Variants in PCDH9 observed in about 807,000 individuals in gnomAD.
PCDH9 encodes the protein protocadherin 9.
PCDH9 carries 24 observed loss-of-function variants against 70.6 expected under a neutral mutation model. That is an observed-to-expected ratio of 0.34 (90% CI 0.25 to 0.48). The LOEUF (loss-of-function observed/expected upper bound fraction) is 0.48, where lower values mean the gene tolerates loss of function less well. Among genes scored for constraint, PCDH9 ranks in the 20% least tolerant of loss-of-function variants. PCDH9 has a pLI of 0.99. For synonymous variants in PCDH9, 562 were observed against 558.5 expected (o/e 1.01, Z -0.09); for missense variants, 1,281 against 1,503.6 (o/e 0.85, Z 2.45).
intron 2 of PCDH9, among the ~76,000 whole-genome samples, chr13:67,132,740 G>A (rs965892582): frequency 7.2e-5 from 11 of 151,998 alleles, no homozygotes; most frequent in African/African-American, 2.7e-4. Flanking sequence ...GGTTGACAAA[G>A]TATATGTCAA....
chr13:66,704,577 G>A (rs769290969), intron 3 of PCDH9, among the ~76,000 whole-genome samples: 1 of 152,124 alleles, frequency 6.6e-6, no homozygotes, highest in Non-Finnish European at 1.5e-5. Context: ...AAGAAGAGAG[G>A]AGAGGAAGAT....
At position 67,135,882 on chromosome 13, in the gene PCDH9, T is replaced by A. The variant is rs139205401; in HGVS notation, c.3036+89523A>T. On this transcript the variant is annotated intron_variant, in intron 2 of 4. Coordinates refer to ENST00000377865, the MANE Select transcript of PCDH9 (RefSeq NM_203487.3). ...ACCTGGTGGTGTTGACTGGGGGGAT[T>A]CTTTGCTACCTTCATTTACAATAAC... is the stretch of plus-strand genomic sequence containing the variant. Among the ~76,000 whole-genome samples the A allele has an allele frequency of 4.0e-3, 608 of 152,182 alleles. 6 individuals are homozygous for A. Among genetic ancestry groups the A allele is most frequent in the African/African-American group, 0.014 (585 of 41,536 alleles).
At chr13:67,204,529 A>G (rs1045233866) in intron 2 of PCDH9, 8 of 152,180 alleles carry the variant, frequency 5.3e-5, no homozygotes, top group African/African-American at 1.9e-4. Flanking sequence ...TTGTGGAGGT[A>G]GAAAACAAGT....
chr13:66,618,449 A>C (rs1175423037), intron 4 of PCDH9, among the ~76,000 whole-genome samples: 2 of 152,170 alleles, frequency 1.3e-5, no homozygotes, highest in Non-Finnish European at 1.5e-5. Flanking sequence ...GTTTCTTAAA[A>C]AATTTCAAAT....
At chr13:66,483,441 G>T (rs1382181246) in intron 4 of PCDH9, among the ~76,000 whole-genome samples, 1 of 152,160 alleles carries the variant, frequency 6.6e-6, no homozygotes, top group Non-Finnish European at 1.5e-5. Context: ...GAAATGCAGG[G>T]TGAAGGAAGT....
At chr13:67,126,798 A>G (rs1216817219) in intron 2 of PCDH9, among the ~76,000 whole-genome samples, 1 of 152,174 alleles carries the variant, frequency 6.6e-6, no homozygotes, top group East Asian at 1.9e-4. Context: ...TTCAGTGAGC[A>G]GAGACTGCGC....
In PCDH9 at chr13:67,226,998, G is replaced by T. The variant is rs370830471; in HGVS notation, c.1443C>A (p.Asn481Lys). The T allele has an allele frequency of 3.1e-6, 5 of 1,614,054 alleles. No homozygotes were observed. The highest frequency in any genetic ancestry group is 2.7e-5 in the African/African-American group (2 of 74,920). The change falls in exon 2 of 5, where the codon AAC becomes AAA. Residue 481 changes from asparagine (N) to lysine (K), a missense_variant. By Grantham distance (94) the Asn-to-Lys change is moderately conservative. Coordinates refer to ENST00000377865, the MANE Select transcript of PCDH9 (RefSeq NM_203487.3). This position sits in a 1 kb window ranked among gnomAD's most constrained non-coding sequence, Gnocchi z 5.0. Reference protein sequence around the residue: ...QPVIELSVSENNRRGLYLTTI... With the variant: ...QPVIELSVSEKNRRGLYLTTI... ...TTGTTAAGTATAACCCACGTCGGTT[G>T]TTTTCAGAAACTGACAGCTCAATTA...
chr13:66,535,458 A>C (rs1960657559), intron 4 of PCDH9, among the ~76,000 whole-genome samples: 1 of 152,050 alleles, frequency 6.6e-6, no homozygotes, highest in Non-Finnish European at 1.5e-5. Flanking sequence ...GGTTGGCTGC[A>C]TTTACCAGCT....
intron 2 of PCDH9, among the ~76,000 whole-genome samples, chr13:67,055,208 T>C (rs2085394995): frequency 6.6e-6 from 1 of 152,216 alleles, no homozygotes; most frequent in Non-Finnish European, 1.5e-5. Flanking sequence ...TGAGTTTTGA[T>C]ATTATTATAG....
At chr13:66,310,753 A>G (rs975595618) in intron 4 of PCDH9, among the ~76,000 whole-genome samples, 27 of 152,070 alleles carry the variant, frequency 1.8e-4, no homozygotes, top group African/African-American at 6.5e-4. Context: ...TTGTAAAATA[A>G]ATAAGTCATT....
intron 4 of PCDH9, among the ~76,000 whole-genome samples, chr13:66,593,316 A>C (rs2074507144): frequency 6.6e-6 from 1 of 151,676 alleles, no homozygotes; most frequent in African/African-American, 2.4e-5. Flanking sequence ...ACAAATTATC[A>C]TGATATGGCT....
intron 3 of PCDH9, among the ~76,000 whole-genome samples, chr13:66,708,977 T>C (rs2078755276): frequency 6.6e-6 from 1 of 152,186 alleles, no homozygotes; most frequent in Admixed American, 6.5e-5. Flanking sequence ...TTGGGAAACA[T>C]ACCATTTCCA....
At chr13:67,175,092 T>C (rs1367461453) in intron 2 of PCDH9, among the ~76,000 whole-genome samples, 2 of 151,872 alleles carry the variant, frequency 1.3e-5, no homozygotes. Flanking sequence ...ATCCTAATCA[T>C]GCCACCACAC....
chr13:66,324,268 C>A (rs1347853011), intron 4 of PCDH9, among the ~76,000 whole-genome samples: 3 of 151,946 alleles, frequency 2.0e-5, no homozygotes, highest in African/African-American at 7.3e-5. Flanking sequence ...CACTATCCTG[C>A]CATCTGCTCC....
chr13:66,430,281 T>C (rs1346123881), intron 4 of PCDH9, among the ~76,000 whole-genome samples: 3 of 152,080 alleles, frequency 2.0e-5, no homozygotes, highest in Non-Finnish European at 4.4e-5. Flanking sequence ...ACACATTGAA[T>C]TTTAACCTAA....
intron 3 of PCDH9, among the ~76,000 whole-genome samples, chr13:66,680,233 C>A (rs765065041): frequency 6.6e-5 from 10 of 151,928 alleles, no homozygotes; most frequent in Non-Finnish European, 1.3e-4. Flanking sequence ...TGAAACAATA[C>A]GCAAATATTT....
intron 2 of PCDH9, chr13:67,209,473 G>T (rs754919629): frequency 6.6e-6 from 1 of 152,042 alleles, no homozygotes; most frequent in Non-Finnish European, 1.5e-5. Flanking sequence ...AACTTACAAA[G>T]TGACTCCTAG....
chr13:66,530,893 A>C (rs943161246), intron 4 of PCDH9, among the ~76,000 whole-genome samples: 3 of 152,008 alleles, frequency 2.0e-5, no homozygotes, highest in African/African-American at 7.2e-5. Flanking sequence ...CCTTTGTGTG[A>C]AAATCACTGA....
chr13:66,432,266 A>G (rs1957785565), intron 4 of PCDH9, among the ~76,000 whole-genome samples: 3 of 152,048 alleles, frequency 2.0e-5, no homozygotes, highest in Admixed American at 2.0e-4. Context: ...TGAATACAAG[A>G]ATGTAGCAGA....
Sources: gnomAD v4.1 joint callset for allele counts (sites outside exome capture counted in the v4.1 genomes callset) on GRCh38, gnomAD v4.1.1 for gene constraint, Gnocchi (gnomAD v3.1) non-coding constraint, MANE v1.5 for transcripts, NCBI Gene and HGNC (gene_info 2026-07-23, HGNC 2026-07-21) for gene names.